TOX3: variants seen among roughly 807,000 people sequenced by gnomAD.
The protein encoded by TOX3 is CAG trinucleotide repeat-containing gene F9 protein.
A neutral mutation model predicts 64.3 loss-of-function variants in TOX3; 22 were observed. That is an observed-to-expected ratio of 0.34 (90% CI 0.24 to 0.49). The LOEUF (loss-of-function observed/expected upper bound fraction) is 0.49, where lower values mean the gene tolerates loss of function less well. Among genes scored for constraint, TOX3 ranks in the 20% least tolerant of loss-of-function variants. The pLI is 0.99. For synonymous variants in TOX3, 291 were observed against 273.6 expected (o/e 1.06, Z -0.63); for missense variants, 661 against 714.4 (o/e 0.93, Z 0.85).
chr16:52,469,772 C>A (rs188920287), intron 1 of TOX3, among the ~76,000 whole-genome samples: 2 of 152,246 alleles, frequency 1.3e-5, no homozygotes, highest in Admixed American at 1.3e-4. Context: ...TAATCCTCTT[C>A]CTCAATAAAC....
intron 1 of TOX3, among the ~76,000 whole-genome samples, chr16:52,502,963 G>C (rs1342940372): frequency 2.6e-5 from 4 of 152,232 alleles, no homozygotes; most frequent in East Asian, 3.9e-4. Flanking sequence ...TATCACCCCT[G>C]TTGCAACTAC....
At chr16:52,444,875 C>T (rs1466448860) in intron 5 of TOX3, 1 of 152,176 alleles carries the variant, frequency 6.6e-6, no homozygotes, top group Non-Finnish European at 1.5e-5. Context: ...TGTTGGTTTT[C>T]TTTTGGAGCA....
chr16:52,460,292 G>GA (rs1394136786), intron 3 of TOX3, among the ~76,000 whole-genome samples: 2 of 152,126 alleles, frequency 1.3e-5, no homozygotes, highest in Admixed American at 1.3e-4. Context: ...AATATATGAA[G>GA]AAAAGTATGT....
Position 52,439,272 on chromosome 16 carries a change from G to A in TOX3, c.1684C>T (p.Gln562Ter). ...PASQQHQSQIQSQTQTQVLSQ... is the reference protein window; with the variant it reads ...PASQQHQSQI Reference sequence around the variant, plus strand: ...AATACTTGAGTCTGTGTCTGAGACTGTATTTGCGACTGGTGCTGCTGAGAG... The same window carrying A: ...AATACTTGAGTCTGTGTCTGAGACTATATTTGCGACTGGTGCTGCTGAGAG... Residue 562 changes from glutamine (Q) to a stop codon, truncating the protein, a stop_gained, in exon 7 of 7, where the codon CAG becomes TAG. Coordinates refer to ENST00000219746, the MANE Select transcript of TOX3 (RefSeq NM_001080430.4). LOFTEE classifies it high-confidence loss of function. 6.2e-7 allele frequency: 1 copy of A among 1,613,944 alleles called. No individual in the cohort carries two copies. Among genetic ancestry groups the A allele is most frequent in the Non-Finnish European group, 8.5e-7 (1 of 1,179,878 alleles).
At chr16:52,480,767 T>A (rs939980038) in intron 1 of TOX3, among the ~76,000 whole-genome samples, 1 of 152,216 alleles carries the variant, frequency 6.6e-6, no homozygotes, top group Non-Finnish European at 1.5e-5. Flanking sequence ...TAAAATATAA[T>A]GCTCTTAAAC....
At chr16:52,528,226 T>C (rs1049912356) in intron 1 of TOX3, among the ~76,000 whole-genome samples, 1 of 152,188 alleles carries the variant, frequency 6.6e-6, no homozygotes, top group Non-Finnish European at 1.5e-5. Context: ...CTGATGGTAA[T>C]GGTAACATTA....
intron 1 of TOX3, among the ~76,000 whole-genome samples, chr16:52,485,248 A>G (rs1452463809): frequency 0.016 from 1,097 of 68,848 alleles, 7 homozygotes; most frequent in Admixed American, 0.03. Context: ...GTGTGTGTGT[A>G]TATATATATA....
At chr16:52,494,064 C>A (rs1252098408) in intron 1 of TOX3, among the ~76,000 whole-genome samples, 1 of 152,174 alleles carries the variant, frequency 6.6e-6, no homozygotes, top group African/African-American at 2.4e-5. Flanking sequence ...TTTATTATCT[C>A]TTCTTCCAAC....
intron 1 of TOX3, among the ~76,000 whole-genome samples, chr16:52,505,743 G>A (rs1962143456): frequency 6.6e-6 from 1 of 152,172 alleles, no homozygotes; most frequent in Admixed American, 6.5e-5. Context: ...TTGGGAGATC[G>A]AGGCAGGCAG....
chr16:52,542,778 G>C (rs1963103891), intron 1 of TOX3, among the ~76,000 whole-genome samples: 1 of 152,148 alleles, frequency 6.6e-6, no homozygotes, highest in Admixed American at 6.5e-5. Context: ...AATCTAAGAA[G>C]AGTTTCAATC....
chr16:52,482,974 T>G (rs1321810727), intron 1 of TOX3, among the ~76,000 whole-genome samples: 2 of 152,130 alleles, frequency 1.3e-5, no homozygotes, highest in African/African-American at 4.8e-5. Context: ...GAACTGCAGC[T>G]GCCTTCATAT....
chr16:52,470,354 A>G (rs1374935745), intron 1 of TOX3, among the ~76,000 whole-genome samples: 1 of 152,166 alleles, frequency 6.6e-6, no homozygotes, highest in Non-Finnish European at 1.5e-5. Context: ...AACAACATAT[A>G]TCACAACCTC....
At chr16:52,465,356 G>A (rs1388053433) in intron 2 of TOX3, among the ~76,000 whole-genome samples, 1 of 151,450 alleles carries the variant, frequency 6.6e-6, no homozygotes, top group East Asian at 1.9e-4. Flanking sequence ...ATAGGGCCTC[G>A]TGATATAAAT....
At chr16:52,501,681 CAAAA>C (rs1213262658) in intron 1 of TOX3, among the ~76,000 whole-genome samples, 1 of 140,710 alleles carries the variant, frequency 7.1e-6, no homozygotes, top group African/African-American at 2.7e-5. Context: ...AACAAACAAA[CAAAA>C]AAAAAAACAG....
chr16:52,465,364 A>C (rs1451502180), intron 2 of TOX3, among the ~76,000 whole-genome samples: 1 of 151,604 alleles, frequency 6.6e-6, no homozygotes, highest in Non-Finnish European at 1.5e-5. Context: ...TCGTGATATA[A>C]ATCAGTGTTG....
rs1303925674 is a variant in TOX3 at position 52,438,625 on chromosome 16, T to G, written c.*600A>C. 5.3e-6 allele frequency: 1 copy of G among 189,238 alleles called. No homozygotes were observed. The highest frequency in any genetic ancestry group is 1.1e-5 in the Non-Finnish European group (1 of 90,948). 11.7% of individuals were successfully genotyped at this position (189,238 alleles called of 1,614,324 possible). On this transcript the variant is annotated 3_prime_UTR_variant, in exon 7 of 7. Coordinates refer to ENST00000219746, the MANE Select transcript of TOX3 (RefSeq NM_001080430.4). ...ATAAAAAGTGGAAATTAGTCAATAA[T>G]TGAATTTAGTCACTTGCATTTTTTT...
At chr16:52,447,379 T>C (rs143191987) in intron 4 of TOX3, among the ~76,000 whole-genome samples, 1 of 152,342 alleles carries the variant, frequency 6.6e-6, no homozygotes, top group Non-Finnish European at 1.5e-5. Context: ...GAGTATTATT[T>C]ACTTTCTAAA....
At chr16:52,539,681 C>T (rs531756957) in intron 1 of TOX3, among the ~76,000 whole-genome samples, 1 of 152,300 alleles carries the variant, frequency 6.6e-6, no homozygotes, top group African/African-American at 2.4e-5. Context: ...TGTTCAGCCC[C>T]AAACTCTCTC....
intron 1 of TOX3, among the ~76,000 whole-genome samples, chr16:52,537,436 T>C (rs1211238823): frequency 6.6e-6 from 1 of 152,216 alleles, no homozygotes; most frequent in Non-Finnish European, 1.5e-5. Context: ...TTATGATATT[T>C]ACATTACATA....
Sources: gnomAD v4.1 joint callset for allele counts (sites outside exome capture counted in the v4.1 genomes callset) on GRCh38, gnomAD v4.1.1 for gene constraint, MANE v1.5 for transcripts, NCBI Gene and HGNC (gene_info 2026-07-23, HGNC 2026-07-21) for gene names.